The following PTGFR variants were observed in gnomAD, a reference collection of about 807,000 sequenced individuals.
PTGFR encodes the protein prostaglandin F receptor.
PTGFR carries 15 observed loss-of-function variants against 26.2 expected under a neutral mutation model. The ratio of observed to expected loss-of-function variants is 0.57; its 90% confidence interval spans 0.38 to 0.88. PTGFR has a LOEUF of 0.88. Among genes scored for constraint, PTGFR ranks in the 40% least tolerant of loss-of-function variants. PTGFR has a pLI of 0.00. For missense variants in PTGFR, 369 were observed against 427.2 expected (o/e 0.86, Z 1.20); for synonymous variants, 165 against 151.1 (o/e 1.09, Z -0.68).
At chr1:78,499,206 C>T (rs964227320) in intron 2 of PTGFR, among the ~76,000 whole-genome samples, 3 of 152,082 alleles carry the variant, frequency 2.0e-5, no homozygotes, top group Non-Finnish European at 4.4e-5. Flanking sequence ...TGACTCTCTC[C>T]CTCTTTCTTC....
Position 78,536,909 on chromosome 1 carries a change from A to C in PTGFR, c.*222A>C. The stretch of plus-strand genomic sequence containing the variant: ...CAATGGGAGGTAGACACAATAAAAT[A>C]ATGCCATGGGAGTCACACTGAAAGC... On this transcript the variant is annotated 3_prime_UTR_variant, in exon 3 of 3. Coordinates refer to ENST00000370757, the MANE Select transcript of PTGFR (RefSeq NM_000959.4). 5.8e-6 allele frequency: 3 copies of C among 519,960 alleles called. No individual in the cohort carries two copies. In the South Asian group the frequency reaches 8.6e-5, roughly 15 times the overall value. The allele number at this position is 519,960 out of a possible 1,614,324, so 32.2% of individuals were successfully genotyped here. A position where few individuals can be genotyped will look rare whatever the true frequency, so the allele number is the denominator to read the frequency against.
chr1:78,515,566 C>T (rs1650073294), intron 2 of PTGFR, among the ~76,000 whole-genome samples: 1 of 152,192 alleles, frequency 6.6e-6, no homozygotes, highest in South Asian at 2.1e-4. Flanking sequence ...CAGCACATTA[C>T]ACTGATTCAA....
chr1:78,524,020 G>A (rs1173088165), intron 2 of PTGFR, among the ~76,000 whole-genome samples: 1 of 152,072 alleles, frequency 6.6e-6, no homozygotes, highest in African/African-American at 2.4e-5. Context: ...GAACACAAAG[G>A]TCTAGTGCAA....
chr1:78,531,116 T>A (rs1274084228), intron 2 of PTGFR, among the ~76,000 whole-genome samples: 2 of 152,146 alleles, frequency 1.3e-5, no homozygotes, highest in African/African-American at 4.8e-5. Flanking sequence ...TGGCTGGAGG[T>A]TTGAGATACT....
At chr1:78,528,246 A>G (rs1291170153) in intron 2 of PTGFR, among the ~76,000 whole-genome samples, 2 of 147,794 alleles carry the variant, frequency 1.4e-5, no homozygotes, top group Non-Finnish European at 3.0e-5. Flanking sequence ...AGGTATGCTG[A>G]AGAAAAATTA....
rs1386794405 is a variant in PTGFR, at chr1:78,538,622, A to C, written c.*1935A>C. The C allele has an allele frequency of 1.3e-5, 2 of 151,980 alleles. No homozygotes were observed. Among genetic ancestry groups the C allele is most frequent in the African/African-American group, 4.8e-5 (2 of 41,418 alleles). The allele number at this position is 151,980 out of a possible 1,614,324, so 9.4% of individuals were successfully genotyped here. A position where few individuals can be genotyped will look rare whatever the true frequency, so the allele number is the denominator to read the frequency against. On this transcript the variant is annotated 3_prime_UTR_variant, in exon 3 of 3. Transcript: ENST00000370757. ...AGAAAACAAATGCAACAATGTGCAC[A>C]TCTGACTTAAGAGTTTCATTTCTGT...
intron 2 of PTGFR, among the ~76,000 whole-genome samples, chr1:78,495,410 T>G (rs763428048): frequency 1.3e-5 from 2 of 152,234 alleles, no homozygotes; most frequent in Non-Finnish European, 2.9e-5. Context: ...AGCTTTGAAG[T>G]AAAGTAGCTT....
chr1:78,495,448 G>T (rs1649523823), intron 2 of PTGFR, among the ~76,000 whole-genome samples: 1 of 152,214 alleles, frequency 6.6e-6, no homozygotes. Flanking sequence ...GTCTGAGTGA[G>T]TTGAAATGAA....
intron 2 of PTGFR, among the ~76,000 whole-genome samples, chr1:78,509,229 A>G (rs1649901302): frequency 6.6e-6 from 1 of 152,184 alleles, no homozygotes; most frequent in African/African-American, 2.4e-5. Flanking sequence ...TGTAGGAGGT[A>G]GGCCCATTCT....
chr1:78,508,200 T>A (rs934174749), intron 2 of PTGFR, among the ~76,000 whole-genome samples: 1 of 152,232 alleles, frequency 6.6e-6, no homozygotes, highest in African/African-American at 2.4e-5. Flanking sequence ...TACAAATATA[T>A]CAGAGCTTCT....
At chr1:78,533,760 T>C (rs1010834675) in intron 2 of PTGFR, among the ~76,000 whole-genome samples, 13 of 152,192 alleles carry the variant, frequency 8.5e-5, no homozygotes, top group Admixed American at 6.6e-4. Flanking sequence ...GATGATGCGA[T>C]AACATCCAGA....
intron 2 of PTGFR, among the ~76,000 whole-genome samples, chr1:78,509,347 G>A (rs575454282): frequency 1.3e-4 from 20 of 152,254 alleles, no homozygotes; most frequent in African/African-American, 4.1e-4. Context: ...CTCAACACCT[G>A]TGCATTAAGA....
chr1:78,514,007 C>A (rs1048584809), intron 2 of PTGFR, among the ~76,000 whole-genome samples: 2 of 152,346 alleles, frequency 1.3e-5, no homozygotes, highest in African/African-American at 4.8e-5. Context: ...AAGGGGACGG[C>A]TGGATCCTCA....
chr1:78,531,222 G>A (rs559949586), intron 2 of PTGFR, among the ~76,000 whole-genome samples: 1 of 152,288 alleles, frequency 6.6e-6, no homozygotes, highest in South Asian at 2.1e-4. Context: ...TTTAACAAGA[G>A]TGAACTAACA....
At chr1:78,531,364 T>A (rs1360896206) in intron 2 of PTGFR, among the ~76,000 whole-genome samples, 1 of 152,116 alleles carries the variant, frequency 6.6e-6, no homozygotes, top group Non-Finnish European at 1.5e-5. Context: ...CCTTCTGGGA[T>A]CTGGCCCAGG....
rs1650479371 is a variant in PTGFR at position 78,530,534 on chromosome 1, C to T, written c.799-5872C>T. Among the ~76,000 whole-genome samples, 6 of 152,226 alleles carry T rather than the reference C, an allele frequency of 3.9e-5. No homozygotes were observed. The South Asian group carries it at 1.2e-3, about 32-fold the overall frequency. On this transcript the variant is annotated intron_variant, in intron 2 of 2. Coordinates refer to ENST00000370757, the MANE Select transcript of PTGFR (RefSeq NM_000959.4). The stretch of plus-strand genomic sequence containing the variant: ...GTGCCATGGAGGCTAACACACAAAT[C>T]CTTAGTCATCATCTCCAACTATTCA...
chr1:78,525,514 A>T (rs1650349178), intron 2 of PTGFR, among the ~76,000 whole-genome samples: 1 of 152,080 alleles, frequency 6.6e-6, no homozygotes, highest in Non-Finnish European at 1.5e-5. Context: ...CTCCTACTAT[A>T]TTAATGGGTA....
Position 78,522,091 on chromosome 1 carries a change from C to A in PTGFR, c.799-14315C>A, listed in dbSNP as rs192803211. On this transcript the variant is annotated intron_variant, in intron 2 of 2. Coordinates refer to ENST00000370757, the MANE Select transcript of PTGFR (RefSeq NM_000959.4). ...TTTTCAGAGTTCATTCAGGCAGAAT[C>A]CATTTCCTTGTGACTGTAGATCTGA... Among the ~76,000 whole-genome samples the A allele has an allele frequency of 2.4e-4, 36 of 152,174 alleles. 1 individual carries two copies. In the East Asian group the frequency reaches 7.0e-3, roughly 29 times the overall value.
intron 2 of PTGFR, among the ~76,000 whole-genome samples, chr1:78,496,857 G>A (rs890799178): frequency 2.6e-4 from 40 of 152,152 alleles, no homozygotes; most frequent in African/African-American, 8.9e-4. Flanking sequence ...TGAATAGAAA[G>A]TAGAGAGAAT....
Sources: gnomAD v4.1 joint callset for allele counts (sites outside exome capture counted in the v4.1 genomes callset) on GRCh38, gnomAD v4.1.1 for gene constraint, MANE v1.5 for transcripts, NCBI Gene and HGNC (gene_info 2026-07-23, HGNC 2026-07-21) for gene names.